Variants in GNAO1 observed in about 807,000 individuals in gnomAD.
GNAO1 encodes guanine nucleotide-binding protein G(o) subunit alpha.
For synonymous variants in GNAO1, 164 were observed against 180.7 expected (o/e 0.91, Z 0.74); for missense variants, 166 against 478.7 (o/e 0.35, Z 6.10).
At chr16:56,252,054 A>G (rs2036804694) in intron 2 of GNAO1, among the ~76,000 whole-genome samples, 2 of 152,216 alleles carry the variant, frequency 1.3e-5, no homozygotes, top group Admixed American at 6.5e-5. Flanking sequence ...TAGGAAGTAT[A>G]ATAAATCATC....
At chr16:56,317,114 C>A (rs529111335) in intron 3 of GNAO1, among the ~76,000 whole-genome samples, 3 of 152,316 alleles carry the variant, frequency 2.0e-5, no homozygotes, top group South Asian at 2.1e-4. Flanking sequence ...AAGTTAGGAT[C>A]AAAAAACCCA....
chr16:56,271,103 T>C (rs140888047), intron 2 of GNAO1: 11 of 152,368 alleles, frequency 7.2e-5, no homozygotes, highest in Admixed American at 2.0e-4. Flanking sequence ...TGCCAGAACA[T>C]TGGGCAGATA....
At chr16:56,306,075 C>T (rs1204959308) in intron 3 of GNAO1, among the ~76,000 whole-genome samples, 1 of 152,204 alleles carries the variant, frequency 6.6e-6, no homozygotes, top group African/African-American at 2.4e-5. Flanking sequence ...GCTCGTGGAT[C>T]AGCATATTTT....
chr16:56,281,624 C>T (rs1337852516), intron 3 of GNAO1, among the ~76,000 whole-genome samples: 2 of 151,986 alleles, frequency 1.3e-5, no homozygotes, highest in Non-Finnish European at 2.9e-5. Context: ...CCCTCCCTTC[C>T]TCCTCACTCC....
rs1460379822 is a variant in GNAO1, at chr16:56,354,993, G to A, written c.1005G>A (p.Val335=). The part of the protein sequence containing the change: ...CATDTNNIQV[V]FDAVTDIIIA... ...CAGACACGAATAACATCCAGGTGGT[G>A]TTCGACGCCGTCACCGACATCATCA... Residue 335 remains valine (V), a synonymous_variant, in exon 8 of 9, where the codon GTG becomes GTA. Transcript: ENST00000262493. This position sits in a 1 kb window ranked among gnomAD's most constrained non-coding sequence, Gnocchi z 4.3. 6.2e-7 allele frequency: 1 copy of A among 1,613,676 alleles called. No individual in the cohort carries two copies. Among genetic ancestry groups the A allele is most frequent in the African/African-American group, 1.3e-5 (1 of 75,024 alleles).
intron 6 of GNAO1, chr16:56,346,402 G>A (rs982468365): frequency 3.0e-6 from 3 of 985,424 alleles, no homozygotes; most frequent in Non-Finnish European, 3.6e-6. Context: ...GGATTTAGCA[G>A]GCCAAGCAGA....
chr16:56,304,972 G>T (rs1338598209), intron 3 of GNAO1, among the ~76,000 whole-genome samples: 2 of 152,230 alleles, frequency 1.3e-5, no homozygotes, highest in African/African-American at 2.4e-5. Flanking sequence ...GACAGGTAGG[G>T]TTAGCCGGCC....
intron 3 of GNAO1, among the ~76,000 whole-genome samples, chr16:56,310,636 C>T (rs2037447464): frequency 6.6e-6 from 1 of 152,176 alleles, no homozygotes; most frequent in African/African-American, 2.4e-5. Flanking sequence ...GGACCGTACT[C>T]AGTAATCCAC....
chr16:56,265,956 C>G (rs1032773911), intron 2 of GNAO1, among the ~76,000 whole-genome samples: 4 of 152,100 alleles, frequency 2.6e-5, no homozygotes, highest in Non-Finnish European at 5.9e-5. Context: ...ACTAAAGGTG[C>G]CCCGGGGCCT....
intron 2 of GNAO1, among the ~76,000 whole-genome samples, chr16:56,246,078 G>A (rs1351793941): frequency 6.6e-6 from 1 of 152,138 alleles, no homozygotes; most frequent in Non-Finnish European, 1.5e-5. Flanking sequence ...CCAACTCCCT[G>A]GGTCAGCCCT....
chr16:56,316,074 T>A (rs1219859243), intron 3 of GNAO1, among the ~76,000 whole-genome samples: 1 of 145,374 alleles, frequency 6.9e-6, no homozygotes, highest in African/African-American at 2.5e-5. Context: ...AAAAAAAGAG[T>A]GAGCAGGGCC....
At chr16:56,270,520 T>C (rs1377030396) in intron 2 of GNAO1, 1 of 152,186 alleles carries the variant, frequency 6.6e-6, no homozygotes, top group Non-Finnish European at 1.5e-5. Context: ...GGTGCATCTG[T>C]GTACTCCTGA....
chr16:56,208,462 C>T (rs746834128), intron 2 of GNAO1, among the ~76,000 whole-genome samples: 3 of 115,610 alleles, frequency 2.6e-5, no homozygotes, highest in South Asian at 3.4e-4. Flanking sequence ...CGCGCGCGCA[C>T]GTGTGTGTGT....
intron 2 of GNAO1, among the ~76,000 whole-genome samples, chr16:56,195,767 A>G (rs1030037236): frequency 1.1e-4 from 16 of 152,252 alleles, no homozygotes; most frequent in African/African-American, 3.9e-4. Flanking sequence ...GAATGTGGAT[A>G]TTCAGACATC....
chr16:56,281,231 A>G (rs916023398), intron 3 of GNAO1, among the ~76,000 whole-genome samples: 4 of 152,156 alleles, frequency 2.6e-5, no homozygotes, highest in Admixed American at 2.6e-4. Context: ...TAGGCACAGT[A>G]TGATGAGGTA....
intron 2 of GNAO1, among the ~76,000 whole-genome samples, chr16:56,202,396 G>A (rs2036289044): frequency 6.6e-6 from 1 of 152,184 alleles, no homozygotes; most frequent in South Asian, 2.1e-4. Flanking sequence ...AGAAATGTGG[G>A]CTACAGAAAA....
chr16:56,345,055 C>A, intron 6 of GNAO1: 4 of 985,350 alleles, frequency 4.1e-6, no homozygotes, highest in Non-Finnish European at 4.8e-6. Context: ...CAAACACACC[C>A]CCCTGTCCCC....
At chr16:56,335,448 C>T (rs1380856459) in intron 5 of GNAO1, among the ~76,000 whole-genome samples, 1 of 152,226 alleles carries the variant, frequency 6.6e-6, no homozygotes, top group Non-Finnish European at 1.5e-5. Context: ...TGTGTCCCCA[C>T]CTGCAGTAAC....
intron 3 of GNAO1, among the ~76,000 whole-genome samples, chr16:56,278,386 G>C (rs1179342552): frequency 6.6e-6 from 1 of 152,224 alleles, no homozygotes; most frequent in African/African-American, 2.4e-5. Context: ...ACACCTGTGA[G>C]GAGCAGGAAA....
Sources: allele counts gnomAD v4.1 joint callset (sites outside exome capture counted in the v4.1 genomes callset), GRCh38; gene constraint gnomAD v4.1.1; non-coding constraint Gnocchi (gnomAD v3.1); transcripts MANE v1.5; gene names NCBI Gene and HGNC (gene_info 2026-07-23, HGNC 2026-07-21).